The following PACS1 variants were observed in gnomAD, a reference collection of about 807,000 sequenced individuals.
The protein encoded by PACS1 is PACS-1.
Under a neutral mutation model 115.0 loss-of-function variants are expected in PACS1, and 24 were observed. The ratio of observed to expected loss-of-function variants is 0.21; its 90% confidence interval spans 0.15 to 0.29. The LOEUF (loss-of-function observed/expected upper bound fraction) is 0.29. PACS1 is among the 10% of genes least tolerant of loss of function. The probability of loss-of-function intolerance (pLI) is 1.00; values close to 1 mark genes in which losing one functional copy is unlikely to be tolerated. For missense variants in PACS1, 838 were observed against 1,251.2 expected (o/e 0.67, Z 4.98); for synonymous variants, 453 against 504.5 (o/e 0.90, Z 1.37).
At chr11:66,092,487 A>T (rs545892192) in intron 1 of PACS1, among the ~76,000 whole-genome samples, 1 of 151,938 alleles carries the variant, frequency 6.6e-6, no homozygotes, top group Non-Finnish European at 1.5e-5. Context: ...GTTCACTCTG[A>T]TGGTAGTTTC....
intron 2 of PACS1, among the ~76,000 whole-genome samples, chr11:66,209,853 C>T (rs999380022): frequency 6.6e-6 from 1 of 151,694 alleles, no homozygotes. Flanking sequence ...TGCAGTGCGC[C>T]GAGATCACGC....
At chr11:66,229,424 G>A (rs1855535511) in intron 11 of PACS1, among the ~76,000 whole-genome samples, 1 of 151,500 alleles carries the variant, frequency 6.6e-6, no homozygotes, top group Non-Finnish European at 1.5e-5. Context: ...ATTAGGCTGG[G>A]GGCGGTGGTT....
At chr11:66,204,311 CAG>C (rs762692160) in intron 2 of PACS1, among the ~76,000 whole-genome samples, 7 of 152,158 alleles carry the variant, frequency 4.6e-5, no homozygotes, top group Non-Finnish European at 1.0e-4. Context: ...CATTAATTGT[CAG>C]AGAAATGCTA....
intron 1 of PACS1, among the ~76,000 whole-genome samples, chr11:66,134,197 C>T (rs939660829): frequency 2.0e-5 from 3 of 150,120 alleles, no homozygotes; most frequent in Non-Finnish European, 4.4e-5. Context: ...GTTGTGAGGC[C>T]GGCTGAGTTT....
chr11:66,198,332 C>T (rs920763721), intron 2 of PACS1, among the ~76,000 whole-genome samples: 10 of 152,270 alleles, frequency 6.6e-5, no homozygotes, highest in African/African-American at 1.9e-4. Flanking sequence ...GAATTATTCA[C>T]GAGCTAAAAA....
chr11:66,243,466 C>T lies in PACS1; in HGVS notation c.*186C>T. 1 of 596,342 alleles carries T rather than the reference C, an allele frequency of 1.7e-6. No individual in the cohort carries two copies. Among genetic ancestry groups the T allele is most frequent in the Non-Finnish European group, 3.0e-6 (1 of 333,606 alleles). 36.9% of individuals were successfully genotyped at this position (596,342 alleles called of 1,614,324 possible). On this transcript the variant is annotated 3_prime_UTR_variant, in exon 24 of 24. Coordinates refer to ENST00000320580, the MANE Select transcript of PACS1 (RefSeq NM_018026.4). ...TCCCTCCCCTCCCCTCCAGCCCACC[C>T]CTGCACAGCCCCTCCTCCTTCCCGC...
Position 66,140,405 on chromosome 11 carries a change from G to A in PACS1, c.357-53081G>A, listed in dbSNP as rs372047662. 5.9e-5 allele frequency among the ~76,000 whole-genome samples: 9 copies of A among 152,266 alleles called. No individual in the cohort carries two copies. In the South Asian group the frequency reaches 1.0e-3, roughly 18 times the overall value. ...ACAGGGAAAGATGCTTTGTATCCGC[G>A]TGACCTGCCTTGCTCACAAAAGCCA... On this transcript the variant is annotated intron_variant, in intron 1 of 23. Coordinates refer to ENST00000320580, the MANE Select transcript of PACS1 (RefSeq NM_018026.4).
At chr11:66,092,139 C>G (rs1857678705) in intron 1 of PACS1, among the ~76,000 whole-genome samples, 2 of 152,134 alleles carry the variant, frequency 1.3e-5, no homozygotes, top group African/African-American at 4.8e-5. Context: ...GTCCCACCAA[C>G]AGTGTAAAAG....
chr11:66,229,516 G>A (rs1043879670), intron 11 of PACS1, among the ~76,000 whole-genome samples: 8 of 151,760 alleles, frequency 5.3e-5, no homozygotes, highest in East Asian at 3.9e-4. Flanking sequence ...TGGCTAACAC[G>A]TCTCTACTAA....
intron 1 of PACS1, among the ~76,000 whole-genome samples, chr11:66,088,849 A>G (rs1429135439): frequency 6.6e-6 from 1 of 152,290 alleles, no homozygotes; most frequent in East Asian, 1.9e-4. Context: ...GATAATTGAA[A>G]TCTTTAAAAT....
At chr11:66,084,264 C>T (rs1857531789) in intron 1 of PACS1, 1 of 152,276 alleles carries the variant, frequency 6.6e-6, no homozygotes, top group Admixed American at 6.6e-5. Context: ...ATGAGGCCCC[C>T]CAGTAGAGGG....
intron 1 of PACS1, among the ~76,000 whole-genome samples, chr11:66,121,234 G>A (rs1034562621): frequency 1.3e-5 from 2 of 152,112 alleles, no homozygotes; most frequent in East Asian, 1.9e-4. Context: ...GCCATGAACC[G>A]CATCCGTGCG....
At chr11:66,234,273 AC>A in intron 17 of PACS1, 31 bp downstream of exon 17, 1 of 1,483,144 alleles carries the variant, frequency 6.7e-7, no homozygotes, top group Non-Finnish European at 9.4e-7. Flanking sequence ...GCTTACTCCC[AC>A]CCCCGGGGTC....
chr11:66,211,211 C>T lies in PACS1; in HGVS notation c.612C>T (p.Thr204=). Residue 204 remains threonine (T), a synonymous_variant, in exon 4 of 24, where the codon ACC becomes ACT. Transcript: ENST00000320580. ...LQRRKRYKNR[T]ILGYKTLAVG... is the part of the protein sequence containing the mutation. ...GGAGAAAACGTTACAAGAATCGGACCATCTTGGGCTATAAGACCTTGGCCG... is the reference window on the plus strand; with the variant it reads ...GGAGAAAACGTTACAAGAATCGGACTATCTTGGGCTATAAGACCTTGGCCG... 3 of 1,613,754 alleles carry T rather than the reference C, an allele frequency of 1.9e-6. No homozygotes were observed. Among genetic ancestry groups the T allele is most frequent in the Non-Finnish European group, 2.5e-6 (3 of 1,179,726 alleles).
chr11:66,183,352 A>G (rs1013142950), intron 1 of PACS1, among the ~76,000 whole-genome samples: 3 of 152,112 alleles, frequency 2.0e-5, no homozygotes, highest in Non-Finnish European at 4.4e-5. Context: ...AAATGTTTTT[A>G]CTCTCACAAA....
At chr11:66,213,587 A>G (rs976519475) in intron 4 of PACS1, among the ~76,000 whole-genome samples, 6 of 152,230 alleles carry the variant, frequency 3.9e-5, no homozygotes, top group African/African-American at 7.2e-5. Context: ...GTATGCACAC[A>G]TGTGCTCGTG....
intron 19 of PACS1, among the ~76,000 whole-genome samples, chr11:66,237,264 G>A (rs1377596034): frequency 2.6e-5 from 4 of 151,662 alleles, no homozygotes; most frequent in Admixed American, 6.6e-5. Context: ...ATTTCGCCAT[G>A]GTGCCCAGGC....
intron 11 of PACS1, among the ~76,000 whole-genome samples, chr11:66,228,194 G>C (rs1401106306): frequency 6.6e-6 from 1 of 151,894 alleles, no homozygotes; most frequent in South Asian, 2.1e-4. Flanking sequence ...CTGGAGAAGC[G>C]ACATCTGAGC....
chr11:66,228,501 C>T (rs1407939959), intron 11 of PACS1, among the ~76,000 whole-genome samples: 1 of 152,200 alleles, frequency 6.6e-6, no homozygotes, highest in Non-Finnish European at 1.5e-5. Flanking sequence ...TCCACCGTGG[C>T]CCCACTGTAG....
Sources: allele counts gnomAD v4.1 joint callset (sites outside exome capture counted in the v4.1 genomes callset), GRCh38; gene constraint gnomAD v4.1.1; transcripts MANE v1.5; gene names NCBI Gene and HGNC (gene_info 2026-07-23, HGNC 2026-07-21).